Variants in CCDC149 observed in about 807,000 individuals in gnomAD.
CCDC149 encodes the protein coiled-coil domain-containing protein 149.
Under a neutral mutation model 59.9 loss-of-function variants are expected in CCDC149, and 45 were observed. The ratio of observed to expected loss-of-function variants is 0.75; its 90% confidence interval spans 0.59 to 0.96. The LOEUF (loss-of-function observed/expected upper bound fraction) is 0.96. CCDC149 is among the 40% of genes least tolerant of loss of function. CCDC149 has a pLI of 0.00. For missense variants in CCDC149, 584 were observed against 664.7 expected, an observed-to-expected ratio of 0.88 and a Z score of 1.33; for synonymous variants, 245 against 260.6, an observed-to-expected ratio of 0.94 and a Z score of 0.58.
intron 9 of CCDC149, chr4:24,822,810 T>C (rs1378818324): frequency 3.0e-6 from 1 of 336,216 alleles, no homozygotes; most frequent in African/African-American, 2.1e-5. Flanking sequence ...GTGAGTCCTC[T>C]CCCAAAAGGT....
chr4:24,861,479 C>T (rs938174682), intron 3 of CCDC149, among the ~76,000 whole-genome samples: 4 of 152,068 alleles, frequency 2.6e-5, no homozygotes, highest in South Asian at 4.2e-4. Flanking sequence ...TCTGGGGACT[C>T]GAAGGGAAGG....
chr4:24,875,261 C>T (rs893928273), intron 2 of CCDC149, among the ~76,000 whole-genome samples: 1 of 151,122 alleles, frequency 6.6e-6, no homozygotes. Context: ...ACCTGGGAGG[C>T]GGAGCTTGCA....
intron 1 of CCDC149, among the ~76,000 whole-genome samples, chr4:24,894,309 T>C (rs1720717790): frequency 6.6e-6 from 1 of 152,178 alleles, no homozygotes; most frequent in South Asian, 2.1e-4. Context: ...AGAGTAGTGG[T>C]AGCAATCAGC....
chr4:24,879,500 G>C (rs1719698626), intron 1 of CCDC149, among the ~76,000 whole-genome samples: 1 of 142,544 alleles, frequency 7.0e-6, no homozygotes, highest in Non-Finnish European at 1.5e-5. Context: ...TGGGCAAAAA[G>C]AGCGAAACTC....
chr4:24,896,178 G>A (rs894943479), intron 1 of CCDC149, among the ~76,000 whole-genome samples: 2 of 152,084 alleles, frequency 1.3e-5, no homozygotes, highest in Non-Finnish European at 2.9e-5. Flanking sequence ...AGCATTTCAC[G>A]AACACTCTGA....
intron 1 of CCDC149, among the ~76,000 whole-genome samples, chr4:24,973,832 C>T (rs532185365): frequency 1.3e-5 from 2 of 152,338 alleles, no homozygotes; most frequent in Admixed American, 6.5e-5. Flanking sequence ...GCTTCTTAAC[C>T]AGCAAGTGCC....
chr4:24,861,241 A>G (rs1285076707), intron 3 of CCDC149, among the ~76,000 whole-genome samples: 1 of 108,056 alleles, frequency 9.3e-6, no homozygotes. Context: ...GAGCGAATAA[A>G]TAATATGTGA....
chr4:24,814,966 T>A (rs1283035470), intron 12 of CCDC149, among the ~76,000 whole-genome samples: 1 of 152,230 alleles, frequency 6.6e-6, no homozygotes, highest in Admixed American at 6.5e-5. Context: ...CAGCTCCACC[T>A]CCACAACTTT....
intron 1 of CCDC149, among the ~76,000 whole-genome samples, chr4:24,961,115 T>G (rs1723623451): frequency 6.6e-6 from 1 of 152,210 alleles, no homozygotes; most frequent in Admixed American, 6.5e-5. Flanking sequence ...ATTTTGGTCC[T>G]TGAAACCAAA....
At chr4:24,842,890 G>A in intron 4 of CCDC149, among the ~76,000 whole-genome samples, 1 of 152,190 alleles carries the variant, frequency 6.6e-6, no homozygotes, top group East Asian at 1.9e-4. Context: ...AACAGTGAGA[G>A]GCAGCCAGTT....
rs1880944 is a variant in CCDC149 at position 24,852,287 on chromosome 4, T to C, written c.372+785A>G. ...AGAACTGCTCCCCTCCAACACACCA[T>C]ACACACACACACACACACACACACA... On this transcript the variant is annotated intron_variant, in intron 4 of 12. Transcript: ENST00000635206. Among the ~76,000 whole-genome samples, 992 of 121,332 alleles carry C rather than the reference T, an allele frequency of 8.2e-3. 3 individuals carry two copies. The highest frequency in any genetic ancestry group is 0.014 in the African/African-American group (427 of 30,474). The allele number at this position is 121,332 out of a possible 152,430, so 79.6% of individuals were successfully genotyped here. A position where few individuals can be genotyped will look rare whatever the true frequency, so the allele number is the denominator to read the frequency against.
At chr4:24,845,449 G>A (rs1249019244) in intron 4 of CCDC149, among the ~76,000 whole-genome samples, 4 of 152,104 alleles carry the variant, frequency 2.6e-5, no homozygotes, top group South Asian at 2.1e-4. Context: ...ATATTATACC[G>A]CAGTTCATCA....
At chr4:24,890,940 A>G (rs1286001107) in intron 1 of CCDC149, among the ~76,000 whole-genome samples, 1 of 152,212 alleles carries the variant, frequency 6.6e-6, no homozygotes, top group African/African-American at 2.4e-5. Context: ...TTCTCTCTGG[A>G]TGAGAAGCTC....
upstream of CCDC149, among the ~76,000 whole-genome samples, chr4:24,917,800 T>C (rs1012452350): frequency 5.9e-5 from 9 of 152,172 alleles, no homozygotes; most frequent in African/African-American, 2.2e-4. Flanking sequence ...TTATTGATAA[T>C]GTATTTCATT....
intron 1 of CCDC149, among the ~76,000 whole-genome samples, chr4:24,904,943 C>A (rs901811345): frequency 2.6e-5 from 4 of 152,072 alleles, no homozygotes; most frequent in African/African-American, 9.7e-5. Flanking sequence ...ACTCTGTCGC[C>A]CAGGCTGGAG....
intron 3 of CCDC149, 54 bp from the exon 4 acceptor site, chr4:24,853,233 T>C: frequency 7.5e-7 from 1 of 1,325,766 alleles, no homozygotes; most frequent in African/African-American, 1.4e-5. Flanking sequence ...AGTGGATGAA[T>C]GCAGGGCTTC....
At chr4:24,911,528 T>G (rs181471457) in intron 1 of CCDC149, among the ~76,000 whole-genome samples, 182 of 152,316 alleles carry the variant, frequency 1.2e-3, no homozygotes, top group African/African-American at 4.3e-3. Context: ...CCTTGACTAC[T>G]AAGTATGATT....
At chr4:24,874,617 C>T (rs994115221) in intron 2 of CCDC149, among the ~76,000 whole-genome samples, 2 of 152,068 alleles carry the variant, frequency 1.3e-5, no homozygotes, top group Non-Finnish European at 2.9e-5. Flanking sequence ...GATTCCTCTC[C>T]CTTTTGTGCC....
chr4:24,808,980 A>G (rs1714413724), intron 12 of CCDC149, among the ~76,000 whole-genome samples, 161 bp from the exon 13 acceptor site: 1 of 152,172 alleles, frequency 6.6e-6, no homozygotes, highest in South Asian at 2.1e-4. Flanking sequence ...AAAGGGGAAC[A>G]CAGGACCCAG....
Sources: allele counts gnomAD v4.1 joint callset (sites outside exome capture counted in the v4.1 genomes callset), GRCh38; gene constraint gnomAD v4.1.1; transcripts MANE v1.5; gene names NCBI Gene and HGNC (gene_info 2026-07-23, HGNC 2026-07-21).